Variants in NRXN3 observed in about 807,000 individuals in gnomAD.
The protein encoded by NRXN3 is neurexin III.
A neutral mutation model predicts 137.6 loss-of-function variants in NRXN3; 32 were observed. That is an observed-to-expected ratio of 0.23 (90% CI 0.18 to 0.31). NRXN3 has a LOEUF of 0.31. Among genes scored for constraint, NRXN3 ranks in the 10% least tolerant of loss-of-function variants. NRXN3 has a pLI of 1.00. For synonymous variants in NRXN3, 798 were observed against 784.5 expected (o/e 1.02, Z -0.29); for missense variants, 1,574 against 2,062.5 (o/e 0.76, Z 4.59).
intron 6 of NRXN3, among the ~76,000 whole-genome samples, chr14:78,700,206 T>C (rs1382134003): frequency 6.6e-6 from 1 of 152,202 alleles, no homozygotes; most frequent in Non-Finnish European, 1.5e-5. Flanking sequence ...ATTTAGTACA[T>C]TTACATGGGA....
intron 1 of NRXN3, among the ~76,000 whole-genome samples, chr14:78,208,761 T>C (rs1399532858): frequency 6.6e-6 from 1 of 152,218 alleles, no homozygotes; most frequent in Non-Finnish European, 1.5e-5. Context: ...GTGAGGATTA[T>C]ATGGCCGTGT....
At chr14:78,918,112 C>A (rs372624974) in intron 10 of NRXN3, among the ~76,000 whole-genome samples, 1 of 150,866 alleles carries the variant, frequency 6.6e-6, no homozygotes, top group African/African-American at 2.4e-5. Context: ...ATGGAGAAAC[C>A]TCGTCTCTAC....
intron 16 of NRXN3, among the ~76,000 whole-genome samples, chr14:79,563,271 C>A (rs1379543448): frequency 1.3e-5 from 2 of 151,886 alleles, no homozygotes; most frequent in African/African-American, 4.8e-5. Flanking sequence ...TTTTAGGGAC[C>A]ATAAAAGTGA....
Position 78,709,649 on chromosome 14 carries a change from A to C in NRXN3, c.1654A>C (p.Arg552=). The change falls in exon 7 of 21, where the codon AGA becomes CGA. Residue 552 remains arginine (R), a synonymous_variant. Transcript: ENST00000335750. ...WYHVDIQRDG[R]SGTISVNSRR... ...CCATGTGGACATTCAGCGAGATGGC[A>C]GATCAGGTAGGAAGAGGCAGGATGT... The C allele has an allele frequency of 6.2e-7, 1 of 1,609,638 alleles. No individual in the cohort carries two copies. The highest frequency in any genetic ancestry group is 8.5e-7 in the Non-Finnish European group (1 of 1,178,450).
At chr14:79,126,297 G>C (rs1160223074) in intron 15 of NRXN3, among the ~76,000 whole-genome samples, 2 of 151,690 alleles carry the variant, frequency 1.3e-5, no homozygotes, top group African/African-American at 4.8e-5. Flanking sequence ...CTAGCATTAG[G>C]TATATCTCCC....
intron 17 of NRXN3, among the ~76,000 whole-genome samples, chr14:79,685,303 A>G (rs921575156): frequency 6.8e-5 from 10 of 147,536 alleles, no homozygotes; most frequent in Admixed American, 2.7e-4. Context: ...TGAAGAAACT[A>G]AAACTTAAAA....
At chr14:78,416,385 G>C (rs1204842254) in intron 4 of NRXN3, among the ~76,000 whole-genome samples, 3 of 152,154 alleles carry the variant, frequency 2.0e-5, no homozygotes, top group Non-Finnish European at 4.4e-5. Context: ...GAAAAGAAAA[G>C]GGTCTGTTGT....
chr14:78,479,660 C>T (rs544151173), intron 4 of NRXN3, among the ~76,000 whole-genome samples: 4 of 152,264 alleles, frequency 2.6e-5, no homozygotes, highest in Middle Eastern at 3.4e-3. Flanking sequence ...TTCTTTTGGA[C>T]GCTAGTGAAC....
intron 2 of NRXN3, among the ~76,000 whole-genome samples, chr14:78,260,853 C>T (rs2070588162): frequency 6.6e-6 from 1 of 152,282 alleles, no homozygotes. Flanking sequence ...TAGACTAATA[C>T]ACAAGTCTTA....
At chr14:79,303,987 G>A (rs188489021) in intron 15 of NRXN3, among the ~76,000 whole-genome samples, 247 of 152,194 alleles carry the variant, frequency 1.6e-3, no homozygotes, top group African/African-American at 5.8e-3. Context: ...TTTAACATTT[G>A]CTTAATACGT....
intron 15 of NRXN3, among the ~76,000 whole-genome samples, chr14:79,406,467 A>G (rs910128307): frequency 2.0e-5 from 3 of 151,438 alleles, no homozygotes; most frequent in Non-Finnish European, 4.4e-5. Flanking sequence ...GTGCCTGGCT[A>G]ATTTTTTTTT....
At chr14:78,640,491 A>G (rs1021333428) in intron 4 of NRXN3, among the ~76,000 whole-genome samples, 2 of 152,242 alleles carry the variant, frequency 1.3e-5, no homozygotes, top group African/African-American at 4.8e-5. Context: ...CTTAGATTGC[A>G]TAGTAATAAA....
intron 8 of NRXN3, among the ~76,000 whole-genome samples, chr14:78,717,350 T>C (rs2098438628): frequency 6.6e-6 from 1 of 152,172 alleles, no homozygotes; most frequent in Non-Finnish European, 1.5e-5. Flanking sequence ...TGGGGATATA[T>C]GAGGGACAAT....
At chr14:78,681,469 G>A (rs534895999) in intron 6 of NRXN3, among the ~76,000 whole-genome samples, 1 of 152,168 alleles carries the variant, frequency 6.6e-6, no homozygotes, top group Non-Finnish European at 1.5e-5. Flanking sequence ...CATATTTTCA[G>A]TTTTCAAAAT....
chr14:79,127,558 A>C (rs954593282), intron 15 of NRXN3, among the ~76,000 whole-genome samples: 3 of 152,196 alleles, frequency 2.0e-5, no homozygotes, highest in African/African-American at 7.2e-5. Flanking sequence ...TACCAGTACC[A>C]TGCTGTTTTG....
chr14:78,956,125 A>G (rs750556816), intron 10 of NRXN3, among the ~76,000 whole-genome samples: 2 of 152,134 alleles, frequency 1.3e-5, no homozygotes, highest in Non-Finnish European at 2.9e-5. Context: ...ATATCATTTT[A>G]TTTCCTAGTC....
chr14:79,178,650 G>A (rs1193516096), intron 15 of NRXN3, among the ~76,000 whole-genome samples: 5 of 152,256 alleles, frequency 3.3e-5, no homozygotes, highest in Admixed American at 2.0e-4. Context: ...TTAAGTACAT[G>A]CTGTTAGGTT....
chr14:79,629,629 C>T (rs1420981313), intron 16 of NRXN3, among the ~76,000 whole-genome samples: 1 of 152,142 alleles, frequency 6.6e-6, no homozygotes, highest in African/African-American at 2.4e-5. Context: ...AAAAGGGAGA[C>T]AGCCATTCTA....
chr14:79,707,061 T>G (rs1002374950), intron 19 of NRXN3, among the ~76,000 whole-genome samples: 5 of 152,144 alleles, frequency 3.3e-5, no homozygotes, highest in African/African-American at 9.7e-5. Context: ...TGAGCACCAT[T>G]TATTCATGTC....
Sources: gnomAD v4.1 joint callset for allele counts (sites outside exome capture counted in the v4.1 genomes callset) on GRCh38, gnomAD v4.1.1 for gene constraint, MANE v1.5 for transcripts, NCBI Gene and HGNC (gene_info 2026-07-23, HGNC 2026-07-21) for gene names.